Variants in CTNNA2 observed in about 807,000 individuals in gnomAD.
The protein encoded by CTNNA2 is catenin alpha 2.
Under a neutral mutation model 101.0 loss-of-function variants are expected in CTNNA2, and 42 were observed. The ratio of observed to expected loss-of-function variants is 0.42; its 90% CI spans 0.32 to 0.54. The LOEUF is 0.54. Ranked by LOEUF, CTNNA2 falls within the 20% of genes least tolerant of loss-of-function variation. The probability of loss-of-function intolerance (pLI) is 0.14; values close to 1 mark genes in which losing one functional copy is unlikely to be tolerated. For missense variants in CTNNA2, 871 were observed against 1,223.1 expected (o/e 0.71, Z 4.29); for synonymous variants, 450 against 456.4 (o/e 0.99, Z 0.18).
chr2:80,538,789 G>A (rs571490357), intron 9 of CTNNA2, among the ~76,000 whole-genome samples: 99 of 152,282 alleles, frequency 6.5e-4, no homozygotes, highest in African/African-American at 2.3e-3. Flanking sequence ...AATGGGAATA[G>A]CATTGAATCT....
chr2:79,852,940 C>T (rs1233725578), intron 3 of CTNNA2, among the ~76,000 whole-genome samples: 1 of 151,986 alleles, frequency 6.6e-6, no homozygotes, highest in African/African-American at 2.4e-5. Context: ...AATCTCGGCT[C>T]ACTGCAACCT....
intron 9 of CTNNA2, among the ~76,000 whole-genome samples, chr2:80,521,370 G>A (rs1433869371): frequency 6.6e-6 from 1 of 152,176 alleles, no homozygotes. Context: ...ACTCTATGTA[G>A]AATCATTGCT....
At chr2:80,018,272 G>A (rs1044171328) in intron 7 of CTNNA2, among the ~76,000 whole-genome samples, 8 of 152,152 alleles carry the variant, frequency 5.3e-5, no homozygotes, top group Non-Finnish European at 1.0e-4. Context: ...TTTCAGAAGA[G>A]TGCTATGTGA....
At chr2:79,473,054 C>A (rs1049602045) in intron 4 of CTNNA2, among the ~76,000 whole-genome samples, 1 of 152,296 alleles carries the variant, frequency 6.6e-6, no homozygotes, top group Admixed American at 6.5e-5. Context: ...GACCTCATGA[C>A]AATGACCTTG....
At chr2:79,787,250 A>G (rs960308189) in intron 3 of CTNNA2, among the ~76,000 whole-genome samples, 3 of 152,118 alleles carry the variant, frequency 2.0e-5, no homozygotes, top group Non-Finnish European at 4.4e-5. Context: ...TATACTTATA[A>G]CTTTTTTCAA....
rs112727169 is a variant in CTNNA2, at chr2:79,267,418, G to T, written c.-405-45291G>T. Among the ~76,000 whole-genome samples the T allele has an allele frequency of 5.7e-3, 870 of 152,184 alleles. 5 individuals carry two copies. The highest frequency in any genetic ancestry group is 0.02 in the African/African-American group (826 of 41,524). ...GGCAGCAGGGCATGACAGCTCTCTG[G>T]AGTCTCTTTTATAAGGGCACTAATC... On this transcript the variant is annotated intron_variant, in intron 2 of 21. Transcript: ENST00000466387.
At chr2:79,895,331 CA>C (rs1431676695) in intron 6 of CTNNA2, among the ~76,000 whole-genome samples, 2 of 152,156 alleles carry the variant, frequency 1.3e-5, no homozygotes, top group Admixed American at 1.3e-4. Context: ...AGTTTATGCT[CA>C]AGGTGTATGC....
rs530434151 is a variant in CTNNA2, at chr2:79,243,420, A to T, written c.-406+45344A>T. 5.9e-5 allele frequency among the ~76,000 whole-genome samples: 9 copies of T among 152,292 alleles called. No individual in the cohort carries two copies. In the East Asian group the frequency reaches 1.2e-3, roughly 20 times the overall value. On this transcript the variant is annotated intron_variant, in intron 2 of 21. Coordinates refer to the CTNNA2 transcript ENST00000466387. ...TGTTGCAGTATTACAGAGAGACACT[A>T]ATATTCTCTGAAGGGAGGGGTCACA...
At chr2:80,384,645 C>T (rs1676839181) in intron 7 of CTNNA2, among the ~76,000 whole-genome samples, 1 of 151,058 alleles carries the variant, frequency 6.6e-6, no homozygotes, top group Non-Finnish European at 1.5e-5. Flanking sequence ...CAGTATGAAT[C>T]CTTATAGACT....
Position 79,595,894 on chromosome 2 carries a change from T to C in CTNNA2, c.-5-55658T>C, listed in dbSNP as rs750497760. On this transcript the variant is annotated intron_variant, in intron 1 of 18. Transcript: ENST00000402739. ...TTTATAATCCAACTCTTATGCAGTA[T>C]TCTTTATCAACCAGCCTCAGTTCTT... is the stretch of plus-strand genomic sequence containing the variant. Among the ~76,000 whole-genome samples, 7 of 151,266 alleles carry C rather than the reference T, an allele frequency of 4.6e-5. No homozygotes were observed. The South Asian group carries it at 1.5e-3, about 32-fold the overall frequency.
intron 3 of CTNNA2, among the ~76,000 whole-genome samples, chr2:79,790,024 A>G (rs1200972339): frequency 6.6e-6 from 1 of 152,214 alleles, no homozygotes; most frequent in Non-Finnish European, 1.5e-5. Context: ...AAAAAGGCCA[A>G]GAAAGAGCAC....
In CTNNA2 at chr2:80,162,813, G is replaced by T. The variant is rs1704413969; in HGVS notation, c.1057-230398G>T. The T allele has an allele frequency of 1.7e-5, 27 of 1,594,296 alleles. No homozygotes were observed. In the South Asian group the frequency reaches 2.9e-4, roughly 17 times the overall value. Reference sequence around the variant, plus strand: ...TTGTCTCAAAGCACTGTTCATCACTGCTTGTCTCTGAAAATTTTCTGGAGA... The same window carrying T: ...TTGTCTCAAAGCACTGTTCATCACTTCTTGTCTCTGAAAATTTTCTGGAGA... On this transcript the variant is annotated intron_variant, in intron 7 of 18. Transcript: ENST00000402739.
chr2:79,783,761 A>G (rs1189858836), intron 3 of CTNNA2, among the ~76,000 whole-genome samples: 1 of 152,124 alleles, frequency 6.6e-6, no homozygotes, highest in Non-Finnish European at 1.5e-5. Flanking sequence ...TGCTTATCTC[A>G]GTACAGTTAA....
chr2:79,450,208 C>T (rs1678875355), intron 4 of CTNNA2, among the ~76,000 whole-genome samples: 4 of 151,692 alleles, frequency 2.6e-5, no homozygotes, highest in Admixed American at 1.3e-4. Context: ...ATGTGACCAC[C>T]TGTCTTGGTC....
rs1678718391 is a variant in CTNNA2 at position 79,829,418 on chromosome 2, C to A, written c.299-28595C>A. Among the ~76,000 whole-genome samples, 4 of 143,492 alleles carry A rather than the reference C, an allele frequency of 2.8e-5. No individual in the cohort carries two copies. In the Admixed American group the frequency reaches 2.9e-4, roughly 10 times the overall value. The allele number at this position is 143,492 out of a possible 152,430, so 94.1% of individuals were successfully genotyped here. A position where few individuals can be genotyped will look rare whatever the true frequency, so the allele number is the denominator to read the frequency against. On this transcript the variant is annotated intron_variant, in intron 3 of 18. Coordinates refer to ENST00000402739, the MANE Select transcript of CTNNA2 (RefSeq NM_001282597.3). Reference sequence around the variant, plus strand: ...ACACACACACACACACACACACAGACACAAAGCCGGGCGAGATGGCGGGCG... The same window carrying A: ...ACACACACACACACACACACACAGAAACAAAGCCGGGCGAGATGGCGGGCG...
rs1019843879 is a variant in CTNNA2 at position 80,641,541 on chromosome 2, A to G, written c.2575-6044A>G. On this transcript the variant is annotated intron_variant, in intron 18 of 18. Coordinates refer to ENST00000402739, the MANE Select transcript of CTNNA2 (RefSeq NM_001282597.3). The stretch of plus-strand genomic sequence containing the variant: ...CATTTACTATGTCATGTCATCTGCA[A>G]TGTGTCCCCTACTTGTTTTATATTA... 3.9e-5 allele frequency among the ~76,000 whole-genome samples: 6 copies of G among 152,248 alleles called. No homozygotes were observed. The South Asian group carries it at 6.2e-4, about 16-fold the overall frequency.
rs146157002 is a variant in CTNNA2 at position 80,180,169 on chromosome 2, T to A, written c.1057-213042T>A. ...TCCTTGGGCAAGGATGGGAGAAAGA[T>A]TAACAGCATAAATTATCAATAGTAT... On this transcript the variant is annotated intron_variant, in intron 7 of 18. Transcript: ENST00000402739. 7.0e-3 allele frequency among the ~76,000 whole-genome samples: 1,068 copies of A among 152,262 alleles called. 13 individuals carry two copies. The highest frequency in any genetic ancestry group is 0.024 in the African/African-American group (994 of 41,552).
intron 7 of CTNNA2, among the ~76,000 whole-genome samples, chr2:80,267,122 A>T (rs1020881245): frequency 6.6e-6 from 1 of 152,064 alleles, no homozygotes; most frequent in Admixed American, 6.6e-5. Flanking sequence ...CCTGAGGGCT[A>T]TATTAGGCTT....
intron 18 of CTNNA2, among the ~76,000 whole-genome samples, chr2:80,627,304 A>C (rs955186253): frequency 5.9e-5 from 9 of 152,324 alleles, no homozygotes; most frequent in Non-Finnish European, 8.8e-5. Flanking sequence ...TGTCTTCCAC[A>C]ATGGTTGAAT....
Sources: gnomAD v4.1 joint callset for allele counts (sites outside exome capture counted in the v4.1 genomes callset) on GRCh38, gnomAD v4.1.1 for gene constraint, MANE v1.5 for transcripts, NCBI Gene and HGNC (gene_info 2026-07-23, HGNC 2026-07-21) for gene names.